The following SEMA3A variants were observed in gnomAD, a reference collection of about 807,000 sequenced individuals.
The protein encoded by SEMA3A is semaphorin-3A.
In SEMA3A, 29 loss-of-function variants were observed where a neutral mutation model predicts 97.9. That is an observed-to-expected ratio of 0.30 (90% CI 0.22 to 0.40). The LOEUF is 0.40. SEMA3A is among the 10% of genes least tolerant of loss of function. The pLI, the probability that SEMA3A is intolerant of heterozygous loss-of-function variation, is 1.00. For missense variants in SEMA3A, 763 were observed against 951.3 expected (o/e 0.80, Z 2.60); for synonymous variants, 321 against 323.7 (o/e 0.99, Z 0.09).
intron 1 of SEMA3A, among the ~76,000 whole-genome samples, chr7:84,180,560 C>T (rs964335190): frequency 2.0e-5 from 3 of 151,796 alleles, no homozygotes; most frequent in East Asian, 3.9e-4. Flanking sequence ...CGGTGGCACA[C>T]GCTAATAATC....
At chr7:84,477,429 ACT>A (rs1238163140) in intron 1 of SEMA3A, among the ~76,000 whole-genome samples, 2 of 121,156 alleles carry the variant, frequency 1.7e-5, no homozygotes, top group African/African-American at 6.8e-5. Context: ...ACAGAGCGAG[ACT>A]CTGTCTCAAA....
intron 2 of SEMA3A, among the ~76,000 whole-genome samples, chr7:84,318,322 T>G (rs1336349700): frequency 7.1e-6 from 1 of 140,398 alleles, no homozygotes; most frequent in Non-Finnish European, 1.5e-5. Context: ...TCTTGGTTTT[T>G]TTTTTTTTTT....
chr7:84,397,498 T>C (rs972971996), intron 1 of SEMA3A, among the ~76,000 whole-genome samples: 6 of 148,672 alleles, frequency 4.0e-5, no homozygotes, highest in Admixed American at 2.0e-4. Flanking sequence ...ATACAATACA[T>C]GTTATATATA....
chr7:84,025,690 T>C (rs767554926), intron 6 of SEMA3A, among the ~76,000 whole-genome samples: 28 of 152,300 alleles, frequency 1.8e-4, no homozygotes, highest in Non-Finnish European at 3.1e-4. Flanking sequence ...AAGGGCTGAT[T>C]AGAATGAAAG....
chr7:84,010,150 A>G (rs1036646726), intron 9 of SEMA3A, among the ~76,000 whole-genome samples: 10 of 151,990 alleles, frequency 6.6e-5, no homozygotes, highest in East Asian at 3.9e-4. Flanking sequence ...AGCCTCAGGG[A>G]AAAAAAAGTA....
chr7:84,467,940 C>G (rs2116402936), intron 1 of SEMA3A, among the ~76,000 whole-genome samples: 2 of 152,216 alleles, frequency 1.3e-5, no homozygotes, highest in South Asian at 4.2e-4. Flanking sequence ...CCTGCTTTAA[C>G]TCTGGGCCCA....
At chr7:84,381,133 T>C (rs552712529) in intron 1 of SEMA3A, among the ~76,000 whole-genome samples, 1 of 152,310 alleles carries the variant, frequency 6.6e-6, no homozygotes, top group Non-Finnish European at 1.5e-5. Context: ...GTTTTCCATA[T>C]TTTAAAACAT....
chr7:84,003,976 A>ATAAG (rs1427215617), intron 11 of SEMA3A, among the ~76,000 whole-genome samples: 1 of 152,142 alleles, frequency 6.6e-6, no homozygotes, highest in East Asian at 1.9e-4. Flanking sequence ...ACCTGATAAC[A>ATAAG]TAAGTATTTC....
chr7:84,328,140 T>G (rs10488589), intron 2 of SEMA3A, among the ~76,000 whole-genome samples: 7,928 of 152,094 alleles, frequency 0.052, 714 homozygotes, highest in African/African-American at 0.18. Context: ...AAATTATTTT[T>G]TAAAAGCCAG....
intron 1 of SEMA3A, among the ~76,000 whole-genome samples, chr7:84,417,872 A>G (rs1016229211): frequency 1.3e-5 from 2 of 152,170 alleles, no homozygotes; most frequent in African/African-American, 4.8e-5. Context: ...GAATGTATGT[A>G]TTTAACATTA....
intron 3 of SEMA3A, among the ~76,000 whole-genome samples, chr7:84,203,396 TAATG>T (rs1798400865): frequency 6.7e-6 from 1 of 150,110 alleles, no homozygotes; most frequent in Non-Finnish European, 1.5e-5. Context: ...TCCTATTAAT[TAATG>T]GATTAATTAA....
At chr7:84,248,863 G>A (rs75594223) in intron 3 of SEMA3A, among the ~76,000 whole-genome samples, 53 of 152,214 alleles carry the variant, frequency 3.5e-4, no homozygotes, top group African/African-American at 1.2e-3. Context: ...CTATGAGGGA[G>A]TGTGAGGCTT....
intron 1 of SEMA3A, among the ~76,000 whole-genome samples, chr7:84,460,113 T>G (rs2116385642): frequency 6.6e-6 from 1 of 152,324 alleles, no homozygotes; most frequent in East Asian, 1.9e-4. Context: ...ATCAACTCAG[T>G]CAATAATGTT....
intron 3 of SEMA3A, among the ~76,000 whole-genome samples, chr7:84,253,107 A>G (rs1024728208): frequency 4.6e-5 from 7 of 152,046 alleles, no homozygotes; most frequent in Non-Finnish European, 1.0e-4. Context: ...CAAACTCCTG[A>G]TCTCAAGTGA....
intron 1 of SEMA3A, among the ~76,000 whole-genome samples, chr7:84,437,813 A>G (rs1458135728): frequency 1.3e-5 from 2 of 152,044 alleles, no homozygotes; most frequent in Admixed American, 6.6e-5. Flanking sequence ...ATTTGCCATA[A>G]TCAGTAGTAT....
At chr7:84,023,561 A>G (rs1482067031) in intron 6 of SEMA3A, among the ~76,000 whole-genome samples, 1 of 152,210 alleles carries the variant, frequency 6.6e-6, no homozygotes, top group Non-Finnish European at 1.5e-5. Context: ...TAATTTCATA[A>G]CACGAACCAC....
At chr7:84,051,527 A>G (rs1462754841) in intron 5 of SEMA3A, among the ~76,000 whole-genome samples, 1 of 152,186 alleles carries the variant, frequency 6.6e-6, no homozygotes, top group Non-Finnish European at 1.5e-5. Context: ...TTGATGGTGT[A>G]TAAGAATGCT....
intron 2 of SEMA3A, among the ~76,000 whole-genome samples, chr7:84,133,509 T>C (rs114647305): frequency 9.7e-4 from 147 of 152,290 alleles, no homozygotes; most frequent in African/African-American, 3.5e-3. Flanking sequence ...AGTTGGGGCA[T>C]ACCAGTTCAA....
chr7:84,128,882 G>C (rs1048121596), intron 3 of SEMA3A, among the ~76,000 whole-genome samples: 2 of 151,864 alleles, frequency 1.3e-5, no homozygotes, highest in African/African-American at 4.8e-5. Flanking sequence ...GTTTTTTTCA[G>C]CATCCCCGAG....
Sources: allele counts gnomAD v4.1 joint callset (sites outside exome capture counted in the v4.1 genomes callset), GRCh38; gene constraint gnomAD v4.1.1; transcripts MANE v1.5; gene names NCBI Gene and HGNC (gene_info 2026-07-23, HGNC 2026-07-21).